RCC2: variants seen among roughly 807,000 people sequenced by gnomAD.
RCC2 encodes the protein protein RCC2.
RCC2 carries 19 observed loss-of-function variants against 64.1 expected under a neutral mutation model. That is an observed-to-expected ratio of 0.30 (90% CI 0.21 to 0.44). RCC2 has a LOEUF of 0.44. Ranked by LOEUF, RCC2 falls within the 20% of genes least tolerant of loss-of-function variation. The probability of loss-of-function intolerance (pLI) is 1.00; values close to 1 mark genes in which losing one functional copy is unlikely to be tolerated. For missense variants in RCC2, 508 were observed against 710.4 expected, an observed-to-expected ratio of 0.72 and a Z score of 3.24; for synonymous variants, 325 against 279.6, an observed-to-expected ratio of 1.16 and a Z score of -1.62.
At chr1:17,436,386 C>A (rs867026663) in intron 2 of RCC2, among the ~76,000 whole-genome samples, 1 of 152,170 alleles carries the variant, frequency 6.6e-6, no homozygotes, top group Non-Finnish European at 1.5e-5. Context: ...CACTTGTAAT[C>A]CCAGCTGCTC....
At chr1:17,435,158 G>A (rs746959139) in intron 2 of RCC2, among the ~76,000 whole-genome samples, 1 of 152,116 alleles carries the variant, frequency 6.6e-6, no homozygotes, top group Non-Finnish European at 1.5e-5. Context: ...CCGTGAGAGC[G>A]GAGGAAAAAA....
chr1:17,434,049 G>C (rs1346519158), intron 2 of RCC2, among the ~76,000 whole-genome samples: 1 of 152,194 alleles, frequency 6.6e-6, no homozygotes, highest in African/African-American at 2.4e-5. Flanking sequence ...TGTAGGATCT[G>C]GCCAAGGCTG....
At chr1:17,426,341 C>T (rs577574565) in intron 3 of RCC2, among the ~76,000 whole-genome samples, 5 of 152,286 alleles carry the variant, frequency 3.3e-5, no homozygotes, top group African/African-American at 7.2e-5. Flanking sequence ...CCTTCTCACC[C>T]GTCCAGTGTG....
chr1:17,412,336 C>A (rs1346602139), intron 10 of RCC2, 142 bp from the exon 11 acceptor site: 3 of 680,028 alleles, frequency 4.4e-6, no homozygotes, highest in African/African-American at 1.8e-5. Flanking sequence ...ACAGGGCCAA[C>A]AGGTTTCTCC....
chr1:17,409,071 G>C lies in RCC2; in HGVS notation c.*19C>G, dbSNP rs759044590. 1.3e-6 allele frequency: 2 copies of C among 1,541,534 alleles called. No homozygotes were observed. The highest frequency in any genetic ancestry group is 2.7e-5 in the African/African-American group (2 of 73,436). ...CAGCTGCCGCGAGAGGTGTGGAGTC[G>C]GAGGAGTCTCCGGGAGCATCAGAGG... is the stretch of plus-strand genomic sequence containing the variant. On this transcript the variant is annotated 3_prime_UTR_variant, in exon 13 of 13. Transcript: ENST00000375436.
intron 2 of RCC2, among the ~76,000 whole-genome samples, chr1:17,433,233 T>C (rs1421805463): frequency 1.3e-5 from 2 of 152,270 alleles, no homozygotes; most frequent in African/African-American, 2.4e-5. Flanking sequence ...ACATAATTGT[T>C]TGCTCTAAGC....
At chr1:17,421,850 AC>A (rs747086480) in intron 6 of RCC2, among the ~76,000 whole-genome samples, 2 of 151,504 alleles carry the variant, frequency 1.3e-5, no homozygotes, top group Non-Finnish European at 2.9e-5. Context: ...ACATGGAGAA[AC>A]CCCGTCTCTA....
intron 6 of RCC2, among the ~76,000 whole-genome samples, chr1:17,421,823 C>T (rs1002062716): frequency 1.3e-5 from 2 of 152,028 alleles, no homozygotes; most frequent in East Asian, 3.9e-4. Context: ...GTCAGGAGTT[C>T]CAGACCAGCC....
At chr1:17,421,451 C>T (rs1244268141) in intron 6 of RCC2, among the ~76,000 whole-genome samples, 4 of 151,244 alleles carry the variant, frequency 2.6e-5, no homozygotes, top group East Asian at 2.0e-4. Context: ...GCTGAGATCG[C>T]GCCACTGCAC....
At position 17,409,087 on chromosome 1, in the gene RCC2, G is replaced by A. The variant is rs1431187573; in HGVS notation, c.*3C>T. Reference sequence around the variant, plus strand: ...TGTGGAGTCGGAGGAGTCTCCGGGAGCATCAGAGGGTTCGGGGGTTGTATT... The same window carrying A: ...TGTGGAGTCGGAGGAGTCTCCGGGAACATCAGAGGGTTCGGGGGTTGTATT... On this transcript the variant is annotated 3_prime_UTR_variant, in exon 13 of 13. Coordinates refer to ENST00000375436, the MANE Select transcript of RCC2 (RefSeq NM_018715.4). The A allele has an allele frequency of 6.2e-7, 1 of 1,601,588 alleles. No individual in the cohort carries two copies. The highest frequency in any genetic ancestry group is 2.2e-5 in the East Asian group (1 of 44,808).
chr1:17,422,736 T>C lies in RCC2; in HGVS notation c.624A>G (p.Ala208=), dbSNP rs199634941. 6.2e-7 allele frequency: 1 copy of C among 1,614,096 alleles called. No individual in the cohort carries two copies. Among genetic ancestry groups the C allele is most frequent in the East Asian group, 2.2e-5 (1 of 44,872 alleles). The change falls in exon 5 of 13, where the codon GCA becomes GCG. Residue 208 remains alanine, a synonymous_variant. Coordinates refer to ENST00000375436, the MANE Select transcript of RCC2 (RefSeq NM_018715.4). ...AGGCCAAGGTGTGGTTCCGCCCACA[T>C]GCTGCAGACACAATCACTTCGTGGC... ...GLSHEVIVSA[A]CGRNHTLALT... is the part of the protein sequence containing the mutation.
At chr1:17,420,617 C>CA (rs2075545663) in intron 7 of RCC2, 97 bp downstream of exon 7, 1 of 689,754 alleles carries the variant, frequency 1.4e-6, no homozygotes, top group Non-Finnish European at 2.4e-6. Context: ...AGATCAATTA[C>CA]CCACATTTCT....
chr1:17,410,982 C>T (rs542814765), intron 11 of RCC2, among the ~76,000 whole-genome samples: 3 of 152,240 alleles, frequency 2.0e-5, no homozygotes, highest in Non-Finnish European at 4.4e-5. Flanking sequence ...AATCGGGCCA[C>T]CAGAGCATCT....
At chr1:17,409,700 G>A (rs1351781614) in intron 12 of RCC2, among the ~76,000 whole-genome samples, 13 of 152,250 alleles carry the variant, frequency 8.5e-5, no homozygotes, top group Non-Finnish European at 1.5e-4. Context: ...AGACGCGAGC[G>A]ATGTGCTCGC....
At chr1:17,425,507 G>A (rs2075604599) in intron 4 of RCC2, 34 bp downstream of exon 4, 1 of 1,555,752 alleles carries the variant, frequency 6.4e-7, no homozygotes. Context: ...TGGTGACAGT[G>A]GTCCCCAGTG....
At chr1:17,412,218 G>A (rs1285067306) in intron 10 of RCC2, 24 bp from the exon 11 acceptor site, 2 of 1,612,410 alleles carry the variant, frequency 1.2e-6, no homozygotes, top group South Asian at 1.1e-5. Flanking sequence ...GGCTGTCACT[G>A]CAGGGCCAGC....
rs143392425 is a variant in RCC2, at chr1:17,428,282, T to C, written c.379+824A>G. ...CTTCCCTGGGACAAAAGCCACCATG[T>C]GGACGTGGCCCCCTCTGGCTTGGGC... On this transcript the variant is annotated intron_variant, in intron 3 of 12. Transcript: ENST00000375436. Among the ~76,000 whole-genome samples the C allele has an allele frequency of 1.3e-3, 199 of 152,380 alleles. 4 individuals carry two copies. The highest frequency in any genetic ancestry group is 4.5e-3 in the African/African-American group (187 of 41,598).
intron 2 of RCC2, among the ~76,000 whole-genome samples, chr1:17,432,682 G>T (rs1294716865): frequency 1.3e-5 from 2 of 152,274 alleles, no homozygotes; most frequent in African/African-American, 4.8e-5. Context: ...AACCGCAGTG[G>T]CCTTGGCCTT....
chr1:17,421,902 G>C (rs1044000472), intron 6 of RCC2, among the ~76,000 whole-genome samples: 2 of 152,110 alleles, frequency 1.3e-5, no homozygotes, highest in African/African-American at 4.8e-5. Flanking sequence ...GCACATGCCT[G>C]TAATCCCAGC....
Sources: gnomAD v4.1 joint callset for allele counts (sites outside exome capture counted in the v4.1 genomes callset) on GRCh38, gnomAD v4.1.1 for gene constraint, MANE v1.5 for transcripts, NCBI Gene and HGNC (gene_info 2026-07-23, HGNC 2026-07-21) for gene names.